The following CSF2RA variants were observed in gnomAD, a reference collection of about 807,000 sequenced individuals.
The protein encoded by CSF2RA is granulocyte-macrophage colony-stimulating factor receptor subunit alpha.
A neutral mutation model predicts 51.6 loss-of-function variants in CSF2RA; 42 were observed. That is an observed-to-expected ratio of 0.81 (90% CI 0.64 to 1.05). The LOEUF (loss-of-function observed/expected upper bound fraction) is 1.05, where lower values mean the gene tolerates loss of function less well. Among genes scored for constraint, CSF2RA ranks in the 50% least tolerant of loss-of-function variants. CSF2RA has a pLI of 0.00. For synonymous variants in CSF2RA, 222 were observed against 193.0 expected (o/e 1.15, Z -1.24); for missense variants, 530 against 501.1 (o/e 1.06, Z -0.55).
intron 12 of CSF2RA, 100 bp from the exon 13 acceptor site, chrX:1,309,302 G>A (rs1188301697): frequency 1.7e-5 from 22 of 1,260,536 alleles, no homozygotes; most frequent in Non-Finnish European, 2.4e-5. Flanking sequence ...GCAATAGAAT[G>A]AGACTCCGTC....
the CSF2RA span, among the ~76,000 whole-genome samples, chrX:1,316,284 AG>A: frequency 1.4e-5 from 2 of 147,788 alleles, no homozygotes; most frequent in African/African-American, 2.6e-5. Flanking sequence ...ATAGATAGAT[AG>A]ATAGATAGAT....
At position 1,282,882 on chromosome X, in the gene CSF2RA, A is replaced by G. The variant is rs2090204176; in HGVS notation, c.76+103A>G. ...CTGGGTCCATCTGCATTTCATCTCT[A>G]ATGTTTATGAGGGACCCAATAAGCA... On this transcript the variant is annotated intron_variant, in intron 3 of 12. Coordinates refer to ENST00000381529, the MANE Select transcript of CSF2RA (RefSeq NM_172245.4). The G allele has an allele frequency of 4.9e-6, 5 of 1,017,116 alleles. No homozygotes were observed. In the East Asian group the frequency reaches 1.2e-4, roughly 24 times the overall value. The allele number at this position is 1,017,116 out of a possible 1,614,324, so 63.0% of individuals were successfully genotyped here.
chrX:1,317,113 A>AT, the CSF2RA span, among the ~76,000 whole-genome samples: 21 of 150,136 alleles, frequency 1.4e-4, no homozygotes, highest in Admixed American at 7.4e-4. Flanking sequence ...TGCCCGGCTA[A>AT]TTTTTTTTGC....
At chrX:1,322,202 T>G in the CSF2RA span, among the ~76,000 whole-genome samples, 40 of 151,628 alleles carry the variant, frequency 2.6e-4, no homozygotes, top group African/African-American at 9.7e-4. Context: ...ACCTCCCAGG[T>G]TCAAGTGATT....
intron 1 of CSF2RA, among the ~76,000 whole-genome samples, chrX:1,273,959 T>C (rs1215246969): frequency 2.7e-4 from 41 of 152,038 alleles, no homozygotes; most frequent in Non-Finnish European, 3.8e-4. Context: ...GGGTAAAATA[T>C]CATGATTTCC....
At chrX:1,302,337 C>T (rs1325597372) in intron 10 of CSF2RA, among the ~76,000 whole-genome samples, 9 of 152,010 alleles carry the variant, frequency 5.9e-5, no homozygotes, top group East Asian at 1.9e-4. Flanking sequence ...GAGAAGTATG[C>T]GGTTTTCACC....
chrX:1,273,158 G>C (rs1187129193), intron 1 of CSF2RA, among the ~76,000 whole-genome samples: 1 of 151,896 alleles, frequency 6.6e-6, no homozygotes, highest in Non-Finnish European at 1.5e-5. Context: ...CTATCTAAGA[G>C]GTCTGAGGAG....
chrX:1,305,748 G>A lies in CSF2RA; in HGVS notation c.1125+221G>A, dbSNP rs749909443. On this transcript the variant is annotated intron_variant, in intron 12 of 12. Transcript: ENST00000381529. ...GTCATCTCTGTGAGCTCCATCAGGA[G>A]AAACTGAGGCAGGGTGGTGGTCAAG... The A allele has an allele frequency of 5.2e-6, 8 of 1,551,822 alleles. No homozygotes were observed. The South Asian group carries it at 7.1e-5, about 14-fold the overall frequency.
At chrX:1,320,587 T>C in the CSF2RA span, among the ~76,000 whole-genome samples, 1 of 147,816 alleles carries the variant, frequency 6.8e-6, no homozygotes, top group East Asian at 2.1e-4. Flanking sequence ...AACCTCTGCC[T>C]CCAGGGTTCA....
intron 2 of CSF2RA, among the ~76,000 whole-genome samples, chrX:1,280,611 CTCCTCCTCCTTCTCTTCT>C (rs1184814426): frequency 2.6e-5 from 4 of 151,538 alleles, no homozygotes; most frequent in Admixed American, 6.6e-5. Flanking sequence ...GAGTTTGTAG[CTCCTCCTCCTTCTCTTCT>C]TCCTCCTCCT....
chrX:1,306,312 C>A (rs868657404), intron 12 of CSF2RA, among the ~76,000 whole-genome samples: 2 of 151,540 alleles, frequency 1.3e-5, no homozygotes, highest in Admixed American at 1.3e-4. Context: ...AGACACGAGA[C>A]ACAGATGGAG....
chrX:1,291,204 C>G (rs190646915), intron 7 of CSF2RA, among the ~76,000 whole-genome samples: 1,983 of 151,104 alleles, frequency 0.013, 46 homozygotes, highest in African/African-American at 0.046. Context: ...TTACAGGCGT[C>G]AGCCACTGCA....
Position 1,277,643 on chromosome X carries a change from C to A in CSF2RA, c.-27+2825C>A, listed in dbSNP as rs763786679. Among the ~76,000 whole-genome samples, 12 of 142,782 alleles carry A rather than the reference C, an allele frequency of 8.4e-5. No individual in the cohort carries two copies. The South Asian group carries it at 2.7e-3, about 32-fold the overall frequency. 93.7% of individuals were successfully genotyped at this position (142,782 alleles called of 152,430 possible). A position where few individuals can be genotyped will look rare whatever the true frequency, so the allele number is the denominator to read the frequency against. On this transcript the variant is annotated intron_variant, in intron 2 of 12. Coordinates refer to ENST00000381529, the MANE Select transcript of CSF2RA (RefSeq NM_172245.4). ...TTCGGGGTGAGTCAGCAGTGCAAAG[C>A]CAAAGCAAATTTATTACAAAAGTAA...
chrX:1,279,543 T>A lies in CSF2RA; in HGVS notation c.-26-3135T>A, dbSNP rs143474265. ...CCAGACAGAACATGCATCTCTAGGG[T>A]GCCACAGGAGAGTCTGTCCAGTGCC... On this transcript the variant is annotated intron_variant, in intron 2 of 12. Coordinates refer to ENST00000381529, the MANE Select transcript of CSF2RA (RefSeq NM_172245.4). Among the ~76,000 whole-genome samples the A allele has an allele frequency of 0.012, 1,799 of 150,648 alleles. 71 individuals carry two copies. The East Asian group carries it at 0.12, about 10-fold the overall frequency.
the CSF2RA span, among the ~76,000 whole-genome samples, chrX:1,323,303 C>T: frequency 1.3e-5 from 2 of 149,600 alleles, no homozygotes; most frequent in African/African-American, 2.5e-5. Flanking sequence ...CACCTGAGGT[C>T]GGGAGTTCAA....
At chrX:1,316,778 A>C in the CSF2RA span, among the ~76,000 whole-genome samples, 113 of 152,280 alleles carry the variant, frequency 7.4e-4, no homozygotes, top group Admixed American at 3.3e-3. Context: ...CGTGGGGAGC[A>C]AGTTCCCTAA....
chrX:1,283,517 C>A (rs1475831385), intron 3 of CSF2RA, among the ~76,000 whole-genome samples: 1 of 126,972 alleles, frequency 7.9e-6, no homozygotes, highest in Non-Finnish European at 1.6e-5. Flanking sequence ...TTTTTTTTCT[C>A]CTTCTTTGTT....
At position 1,301,804 on chromosome X, in the gene CSF2RA, C is replaced by CCG. The variant is rs1385077454; in HGVS notation, c.946+1178_946+1179insCG. ...TTTTTTTAGTAGAGACAGGGTTTCA[C>CCG]TGTTTTTTAGCCAGGATGGTCTCGA... On this transcript the variant is annotated intron_variant, in intron 10 of 12. Transcript: ENST00000381529. Among the ~76,000 whole-genome samples, 1,055 of 150,396 alleles carry CCG rather than the reference C, an allele frequency of 7.0e-3. 25 individuals carry two copies. Among genetic ancestry groups the CCG allele is most frequent in the East Asian group, 0.046 (235 of 5,110 alleles).
Position 1,309,640 on chromosome X carries a change from ACT to A in CSF2RA, c.*162_*163del. The A allele has an allele frequency of 6.4e-7, 1 of 1,553,388 alleles. No homozygotes were observed. The highest frequency in any genetic ancestry group is 8.9e-7 in the Non-Finnish European group (1 of 1,125,384). On this transcript the variant is annotated 3_prime_UTR_variant, in exon 13 of 13. Coordinates refer to ENST00000381529, the MANE Select transcript of CSF2RA (RefSeq NM_172245.4). ...GGTGGCTCACGCCTGTAATCCCAGC[ACT>A]TTGGGAGGCCAAGGCAGGCGGATCA...
Sources: allele counts gnomAD v4.1 joint callset (sites outside exome capture counted in the v4.1 genomes callset), GRCh38; gene constraint gnomAD v4.1.1; transcripts MANE v1.5; gene names NCBI Gene and HGNC (gene_info 2026-07-23, HGNC 2026-07-21).